Variants in AGPAT2 observed in about 807,000 individuals in gnomAD.
AGPAT2 encodes the protein 1-acylglycerol-3-phosphate O-acyltransferase 2.
Under a neutral mutation model 26.1 loss-of-function variants are expected in AGPAT2, and 18 were observed. That is an observed-to-expected ratio of 0.69 (90% confidence interval 0.48 to 1.02). AGPAT2 has a LOEUF of 1.02. AGPAT2 is among the 50% of genes least tolerant of loss of function. The pLI, the probability that AGPAT2 is intolerant of heterozygous loss-of-function variation, is 0.00. For missense variants in AGPAT2, 415 were observed against 394.9 expected (o/e 1.05, Z -0.43); for synonymous variants, 200 against 174.2 (o/e 1.15, Z -1.16).
chr9:136,683,697 G>A (rs944290002), intron 1 of AGPAT2, among the ~76,000 whole-genome samples: 1 of 152,202 alleles, frequency 6.6e-6, no homozygotes, highest in Non-Finnish European at 1.5e-5. Context: ...CGGGAAGGAG[G>A]TGGGGCCAGA....
Position 136,687,361 on chromosome 9 carries a change from C to G in AGPAT2, c.-4G>C, listed in dbSNP as rs886063724. 5.4e-6 allele frequency: 8 copies of G among 1,476,780 alleles called. No individual in the cohort carries two copies. In the South Asian group the frequency reaches 1.0e-4, roughly 19 times the overall value. The allele number at this position is 1,476,780 out of a possible 1,614,324, so 91.5% of individuals were successfully genotyped here. ...CCAGACACGGCCACAGCTCCATGGC[C>G]CGGCCCGGCGCCCGACGGCGCCGCC... On this transcript the variant is annotated 5_prime_UTR_variant, in exon 1 of 6. Transcript: ENST00000371696.
Position 136,682,600 on chromosome 9 carries a change from T to C in AGPAT2, c.182+4576A>G, listed in dbSNP as rs1371556987. 2.0e-5 allele frequency among the ~76,000 whole-genome samples: 3 copies of C among 152,186 alleles called. No individual in the cohort carries two copies. The East Asian group carries it at 5.8e-4, about 29-fold the overall frequency. ...GCCAGGCGGGTGACTTGTGCCAGCT[T>C]TGCCCAGCAAGGCAGGAGGCCCAGG... On this transcript the variant is annotated intron_variant, in intron 1 of 5. Transcript: ENST00000371696.
intron 3 of AGPAT2, 28 bp downstream of exon 3, chr9:136,676,933 C>G: frequency 6.2e-7 from 1 of 1,609,748 alleles, no homozygotes; most frequent in Non-Finnish European, 8.5e-7. Context: ...CCACCCCAAC[C>G]CCACCGAGCC....
At chr9:136,680,859 G>T (rs1487680264) in intron 1 of AGPAT2, among the ~76,000 whole-genome samples, 2 of 151,378 alleles carry the variant, frequency 1.3e-5, no homozygotes, top group East Asian at 3.9e-4. Flanking sequence ...TAGAGACGGG[G>T]TTTCACCATG....
chr9:136,680,132 G>A (rs1280411648), intron 1 of AGPAT2, among the ~76,000 whole-genome samples: 1 of 152,256 alleles, frequency 6.6e-6, no homozygotes, highest in Non-Finnish European at 1.5e-5. Context: ...AGACACACCT[G>A]CAATTCCAAA....
rs1486819021 is a variant in AGPAT2, at chr9:136,676,949, C to T, written c.492+12G>A. ...CACCCCAACCCCACCGAGCCCGGCC[C>T]TGCACACTCACGTTCTCCCTGACCA... On this transcript the variant is annotated intron_variant, in intron 3 of 5. Transcript: ENST00000371696. The T allele has an allele frequency of 1.2e-6, 2 of 1,612,216 alleles. No homozygotes were observed.
rs755464331 is a variant in AGPAT2, at chr9:136,673,705, T to TCG, written c.*45_*46dup. The TCG allele has an allele frequency of 6.7e-7, 1 of 1,501,632 alleles. No individual in the cohort carries two copies. Among genetic ancestry groups the TCG allele is most frequent in the Non-Finnish European group, 9.0e-7 (1 of 1,116,274 alleles). The allele number at this position is 1,501,632 out of a possible 1,614,324, so 93.0% of individuals were successfully genotyped here. On this transcript the variant is annotated 3_prime_UTR_variant, in exon 6 of 6. Transcript: ENST00000371696. ...GTCCCCTCTGCCCATCCTCCAGCCA[T>TCG]CGGCTTCCACCTGCCCTCCCCAGGT... is the stretch of plus-strand genomic sequence containing the variant.
chr9:136,676,951 GCA>G lies in AGPAT2; in HGVS notation c.492+8_492+9del, dbSNP rs762861570. On this transcript the variant is annotated splice_region_variant and intron_variant, in intron 3 of 5. Coordinates refer to ENST00000371696, the MANE Select transcript of AGPAT2 (RefSeq NM_006412.4). ...CCCCAACCCCACCGAGCCCGGCCCT[GCA>G]CACTCACGTTCTCCCTGACCATGCG... 13 of 1,557,900 alleles carry G rather than the reference GCA, an allele frequency of 8.3e-6. No individual in the cohort carries two copies. In the Admixed American group the frequency reaches 1.9e-4, roughly 23 times the overall value.
intron 3 of AGPAT2, 99 bp downstream of exon 3, chr9:136,676,862 G>T: frequency 7.0e-7 from 1 of 1,433,794 alleles, no homozygotes; most frequent in South Asian, 1.2e-5. Context: ...TGATGTGGGG[G>T]TCTTGTTTTT....
chr9:136,674,726 TG>T lies in AGPAT2; in HGVS notation c.661+8del. Reference sequence around the variant, plus strand: ...GGCCTACACCCCGGGTGCACACATGTGGGGGTACCTGAAGTGAAGAACTTCT... The same window carrying T: ...GGCCTACACCCCGGGTGCACACATGTGGGGTACCTGAAGTGAAGAACTTCT... On this transcript the variant is annotated splice_region_variant and intron_variant, in intron 5 of 5. Transcript: ENST00000371696. 6.8e-7 allele frequency: 1 copy of T among 1,478,170 alleles called. No individual in the cohort carries two copies. Among genetic ancestry groups the T allele is most frequent in the East Asian group, 2.6e-5 (1 of 38,436 alleles). 91.6% of individuals were successfully genotyped at this position (1,478,170 alleles called of 1,614,324 possible).
chr9:136,680,060 A>G (rs1263515365), intron 1 of AGPAT2, among the ~76,000 whole-genome samples: 1 of 152,254 alleles, frequency 6.6e-6, no homozygotes, highest in Non-Finnish European at 1.5e-5. Context: ...GCGGGGAAAG[A>G]ACAGGACAGG....
Position 136,687,164 on chromosome 9 carries a change from C to A in AGPAT2, c.182+12G>T, listed in dbSNP as rs1395938317. ...CGGTTCCCCGGCCCCTCCCGGCGGCCCCCGGCCTTGCCTCATGTTCTCCAC... is the reference window on the plus strand; with the variant it reads ...CGGTTCCCCGGCCCCTCCCGGCGGCACCCGGCCTTGCCTCATGTTCTCCAC... On this transcript the variant is annotated intron_variant, in intron 1 of 5. Transcript: ENST00000371696. The A allele has an allele frequency of 1.3e-6, 2 of 1,581,416 alleles. No individual in the cohort carries two copies. The highest frequency in any genetic ancestry group is 1.7e-6 in the Non-Finnish European group (2 of 1,169,914).
At chr9:136,676,826 G>A (rs1474428552) in intron 3 of AGPAT2, 135 bp downstream of exon 3, 7 of 1,283,006 alleles carry the variant, frequency 5.5e-6, no homozygotes, top group South Asian at 1.2e-5. Flanking sequence ...GGGGTCTGGC[G>A]TGGGACCCCA....
At chr9:136,678,531 G>A (rs951664741) in intron 1 of AGPAT2, among the ~76,000 whole-genome samples, 4 of 152,160 alleles carry the variant, frequency 2.6e-5, no homozygotes, top group African/African-American at 9.7e-5. Flanking sequence ...GTGGATGGCC[G>A]GGGCAAGGCT....
At chr9:136,678,160 G>A (rs754572196) in intron 1 of AGPAT2, among the ~76,000 whole-genome samples, 17 of 152,320 alleles carry the variant, frequency 1.1e-4, no homozygotes, top group African/African-American at 4.1e-4. Flanking sequence ...TCCCCGTGAA[G>A]AGGCGGCGAG....
At position 136,687,365 on chromosome 9, in the gene AGPAT2, C is replaced by T. The variant is rs1846237546; in HGVS notation, c.-8G>A. ...ACACGGCCACAGCTCCATGGCCCGGCCCGGCGCCCGACGGCGCCGCCAGCT... is the reference window on the plus strand; with the variant it reads ...ACACGGCCACAGCTCCATGGCCCGGTCCGGCGCCCGACGGCGCCGCCAGCT... On this transcript the variant is annotated 5_prime_UTR_variant, in exon 1 of 6. Transcript: ENST00000371696. The T allele has an allele frequency of 4.8e-6, 7 of 1,462,868 alleles. No homozygotes were observed. The highest frequency in any genetic ancestry group is 5.4e-6 in the Non-Finnish European group (6 of 1,114,960). The allele number at this position is 1,462,868 out of a possible 1,614,324, so 90.6% of individuals were successfully genotyped here.
intron 4 of AGPAT2, 111 bp from the exon 5 acceptor site, chr9:136,674,918 G>A (rs1028127898): frequency 3.9e-5 from 26 of 663,538 alleles, no homozygotes; most frequent in South Asian, 3.3e-4. Context: ...CCCTGCCTTC[G>A]CTGCTGCCAT....
At position 136,677,549 on chromosome 9, in the gene AGPAT2, C is replaced by G; in HGVS notation, c.190G>C (p.Gly64Arg). 1 of 1,612,946 alleles carries G rather than the reference C, an allele frequency of 6.2e-7. No homozygotes were observed. Among genetic ancestry groups the G allele is most frequent in the Non-Finnish European group, 8.5e-7 (1 of 1,179,938 alleles). ...TACTTGAAGCTTCGCACGAACCAGC[C>G]GATGATGCTGCAGGGGAGGCCACCA... ...GRTVENMSII[G>R]WFVRSFKYFY... The change falls in exon 2 of 6, where the codon GGC becomes CGC. Residue 64 changes from glycine (G) to arginine (R), a missense_variant. By Grantham distance (125) the Gly-to-Arg change is moderately radical (BLOSUM62 -2). Coordinates refer to ENST00000371696, the MANE Select transcript of AGPAT2 (RefSeq NM_006412.4).
At chr9:136,685,771 G>A (rs62580420) in intron 1 of AGPAT2, among the ~76,000 whole-genome samples, 10,501 of 151,828 alleles carry the variant, frequency 0.069, 470 homozygotes, top group Non-Finnish European at 0.1. Flanking sequence ...CACCCCAGGG[G>A]CTGAGGGGGG....
Sources: allele counts gnomAD v4.1 joint callset (sites outside exome capture counted in the v4.1 genomes callset), GRCh38; gene constraint gnomAD v4.1.1; transcripts MANE v1.5; gene names NCBI Gene and HGNC (gene_info 2026-07-23, HGNC 2026-07-21).